Variants in CNTN5 observed in about 807,000 individuals in gnomAD.
CNTN5 encodes the protein contactin 5, also known as contactin-5.
Under a neutral mutation model 129.1 loss-of-function variants are expected in CNTN5, and 77 were observed. That is an observed-to-expected ratio of 0.60 (90% CI 0.50 to 0.72). The LOEUF is 0.72. Ranked by LOEUF, CNTN5 falls within the 30% of genes least tolerant of loss-of-function variation. The pLI is 0.00. For synonymous variants in CNTN5, 509 were observed against 465.6 expected, an observed-to-expected ratio of 1.09 and a Z score of -1.20; for missense variants, 1,478 against 1,328.8, an observed-to-expected ratio of 1.11 and a Z score of -1.75.
At chr11:100,298,554 AGACAG>A (rs1486938126) in intron 19 of CNTN5, among the ~76,000 whole-genome samples, 2 of 151,334 alleles carry the variant, frequency 1.3e-5, no homozygotes, top group African/African-American at 4.8e-5. Flanking sequence ...GCACTGTGCT[AGACAG>A]TGGCTGGTAA....
intron 3 of CNTN5, among the ~76,000 whole-genome samples, chr11:99,623,699 C>A (rs1178132950): frequency 2.8e-5 from 3 of 109,038 alleles, no homozygotes; most frequent in African/African-American, 9.5e-5. Context: ...GTTTTACCAA[C>A]AAACAGTAGT....
intron 3 of CNTN5, among the ~76,000 whole-genome samples, chr11:99,619,459 T>C (rs1372494182): frequency 6.6e-6 from 1 of 152,154 alleles, no homozygotes; most frequent in Admixed American, 6.5e-5. Flanking sequence ...AGTATAAAAT[T>C]GCTTCCATTT....
At chr11:100,243,859 G>A (rs548037809) in intron 16 of CNTN5, among the ~76,000 whole-genome samples, 41 of 151,988 alleles carry the variant, frequency 2.7e-4, no homozygotes, top group African/African-American at 8.4e-4. Context: ...TCTCACCCCT[G>A]TACTTCAGTA....
At chr11:99,382,791 G>T (rs749466669) in intron 2 of CNTN5, among the ~76,000 whole-genome samples, 2 of 140,552 alleles carry the variant, frequency 1.4e-5, no homozygotes, top group Non-Finnish European at 1.5e-5. Flanking sequence ...TGTTTCATTC[G>T]CACACAAGTC....
In CNTN5 at chr11:99,900,014, C is replaced by A. The variant is rs77573938; in HGVS notation, c.578-16040C>A. Among the ~76,000 whole-genome samples, 506 of 151,638 alleles carry A rather than the reference C, an allele frequency of 3.3e-3. 3 individuals are homozygous for A. The highest frequency in any genetic ancestry group is 0.012 in the African/African-American group (481 of 41,458). ...CATTTCCTCTAGGTGTTCTAGCTTG[C>A]GTTCATAAAGGTCATCATACTAGTC... On this transcript the variant is annotated intron_variant, in intron 6 of 24. Coordinates refer to ENST00000524871, the MANE Select transcript of CNTN5 (RefSeq NM_014361.4).
At chr11:99,961,834 A>G (rs1386659252) in intron 8 of CNTN5, among the ~76,000 whole-genome samples, 1 of 152,090 alleles carries the variant, frequency 6.6e-6, no homozygotes, top group East Asian at 1.9e-4. Context: ...TCCTCACACC[A>G]AAGCAGAGCC....
chr11:99,542,334 C>T (rs1273675103), intron 2 of CNTN5, among the ~76,000 whole-genome samples: 1 of 152,106 alleles, frequency 6.6e-6, no homozygotes, highest in African/African-American at 2.4e-5. Flanking sequence ...TTACACCCTC[C>T]CAAGTCTCTG....
At chr11:99,430,591 A>G (rs1038935170) in intron 2 of CNTN5, among the ~76,000 whole-genome samples, 4 of 151,860 alleles carry the variant, frequency 2.6e-5, no homozygotes, top group African/African-American at 9.7e-5. Flanking sequence ...TATACTATAT[A>G]TGTATATACA....
chr11:99,743,136 G>T lies in CNTN5; in HGVS notation c.56-76408G>T, dbSNP rs374726696. ...TATGATAAGGAAGGAGGAGGAGAGA[G>T]ATATATCATGTTGAAAGAACAATGA... is the stretch of plus-strand genomic sequence containing the variant. On this transcript the variant is annotated intron_variant, in intron 3 of 24. Transcript: ENST00000524871. Among the ~76,000 whole-genome samples, 3 of 152,124 alleles carry T rather than the reference G, an allele frequency of 2.0e-5. No homozygotes were observed. In the East Asian group the frequency reaches 5.8e-4, roughly 29 times the overall value.
intron 9 of CNTN5, among the ~76,000 whole-genome samples, chr11:100,056,822 G>A (rs764154707): frequency 2.6e-5 from 4 of 151,618 alleles, no homozygotes; most frequent in Admixed American, 1.3e-4. Context: ...ATTGATATGG[G>A]TTATTTTAGT....
chr11:99,057,725 C>T (rs1565282240), intron 1 of CNTN5, among the ~76,000 whole-genome samples: 1 of 150,982 alleles, frequency 6.6e-6, no homozygotes, highest in East Asian at 2.0e-4. Flanking sequence ...TGTAATAGAG[C>T]TTATATCCTA....
At chr11:99,600,917 C>T (rs75545956) in intron 3 of CNTN5, among the ~76,000 whole-genome samples, 2,324 of 152,258 alleles carry the variant, frequency 0.015, 105 homozygotes, top group Admixed American at 0.096. Context: ...CACTGAATTT[C>T]GTTGACACTG....
intron 13 of CNTN5, among the ~76,000 whole-genome samples, chr11:100,074,585 T>C (rs1026324371): frequency 6.6e-6 from 1 of 152,174 alleles, no homozygotes. Flanking sequence ...TTCATCTTGC[T>C]TCTGCATTTA....
chr11:99,162,447 A>G (rs1327056137), intron 1 of CNTN5, among the ~76,000 whole-genome samples: 2 of 152,158 alleles, frequency 1.3e-5, no homozygotes, highest in African/African-American at 4.8e-5. Flanking sequence ...ACTGACGGGA[A>G]AATTCTGGGT....
intron 3 of CNTN5, among the ~76,000 whole-genome samples, chr11:99,704,396 T>C (rs1954662903): frequency 1.3e-5 from 2 of 151,156 alleles, no homozygotes; most frequent in African/African-American, 4.8e-5. Flanking sequence ...GTTTTGTGAA[T>C]AGACTTAAGT....
At chr11:99,086,733 A>G (rs1866023743) in intron 1 of CNTN5, among the ~76,000 whole-genome samples, 1 of 152,186 alleles carries the variant, frequency 6.6e-6, no homozygotes, top group Non-Finnish European at 1.5e-5. Flanking sequence ...AATATATATG[A>G]GATCTGTTTT....
At chr11:100,078,797 C>T (rs11222681) in intron 13 of CNTN5, among the ~76,000 whole-genome samples, 5,306 of 151,856 alleles carry the variant, frequency 0.035, 312 homozygotes, top group African/African-American at 0.12. Context: ...ATACTGATGA[C>T]GATGATGATG....
At chr11:99,109,039 G>C (rs548862712) in intron 1 of CNTN5, among the ~76,000 whole-genome samples, 4 of 150,950 alleles carry the variant, frequency 2.6e-5, no homozygotes, top group East Asian at 3.9e-4. Context: ...ATGTACATAT[G>C]TATATGTATA....
intron 21 of CNTN5, among the ~76,000 whole-genome samples, chr11:100,332,652 G>A (rs143994168): frequency 1.1e-3 from 171 of 152,156 alleles, no homozygotes; most frequent in Middle Eastern, 3.4e-3. Flanking sequence ...AGTTTAACAC[G>A]TAAGTCAGTA....
Sources: allele counts gnomAD v4.1 joint callset (sites outside exome capture counted in the v4.1 genomes callset), GRCh38; gene constraint gnomAD v4.1.1; transcripts MANE v1.5; gene names NCBI Gene and HGNC (gene_info 2026-07-23, HGNC 2026-07-21).